The following DPP10 variants were observed in gnomAD, a reference collection of about 807,000 sequenced individuals.
DPP10 encodes the protein inactive dipeptidyl peptidase 10.
In DPP10, 33 loss-of-function variants were observed where a neutral mutation model predicts 120.9. That is an observed-to-expected ratio of 0.27 (90% confidence interval 0.21 to 0.37). The LOEUF (loss-of-function observed/expected upper bound fraction) is 0.37, where lower values mean the gene tolerates loss of function less well. DPP10 is among the 10% of genes least tolerant of loss of function. The pLI is 1.00. For missense variants in DPP10, 816 were observed against 942.8 expected (o/e 0.87, Z 1.76); for synonymous variants, 337 against 326.1 (o/e 1.03, Z -0.36).
At chr2:115,059,685 GAAAAAA>G (rs34515129) in intron 1 of DPP10, among the ~76,000 whole-genome samples, 7 of 116,316 alleles carry the variant, frequency 6.0e-5, no homozygotes, top group East Asian at 2.5e-4. Flanking sequence ...ACCTCAACAG[GAAAAAA>G]AAAAAAAAAA....
At chr2:114,782,874 C>T (rs1682452477) in intron 1 of DPP10, among the ~76,000 whole-genome samples, 1 of 152,012 alleles carries the variant, frequency 6.6e-6, no homozygotes, top group Admixed American at 6.6e-5. Flanking sequence ...ACCACCAGAC[C>T]TCAGCTTAAA....
intron 1 of DPP10, among the ~76,000 whole-genome samples, chr2:114,802,778 T>A (rs950265199): frequency 6.6e-6 from 1 of 152,224 alleles, no homozygotes. Flanking sequence ...GATAAGTACC[T>A]GATTCATAAG....
intron 1 of DPP10, among the ~76,000 whole-genome samples, chr2:115,259,712 C>T (rs887706033): frequency 2.6e-5 from 4 of 152,006 alleles, no homozygotes; most frequent in African/African-American, 9.7e-5. Context: ...CATATTGCTG[C>T]CCTAAGTACT....
At chr2:114,926,462 C>T (rs1695626828) in intron 1 of DPP10, among the ~76,000 whole-genome samples, 1 of 152,202 alleles carries the variant, frequency 6.6e-6, no homozygotes. Context: ...TTGTCAGAAG[C>T]TGGATCAGAT....
In DPP10 at chr2:115,498,048, G is replaced by A. The variant is rs534640109; in HGVS notation, c.272-1462G>A. 9.9e-5 allele frequency among the ~76,000 whole-genome samples: 15 copies of A among 151,956 alleles called. No individual in the cohort carries two copies. In the East Asian group the frequency reaches 1.4e-3, roughly 14 times the overall value. ...ATCATATAGAACTATCAGTCCATAC[G>A]GCCAGCCTCAGGGAGTAACTGGGAA... On this transcript the variant is annotated intron_variant, in intron 3 of 25. Transcript: ENST00000410059.
intron 5 of DPP10, among the ~76,000 whole-genome samples, chr2:115,590,855 C>T (rs1306229049): frequency 6.6e-6 from 1 of 152,174 alleles, no homozygotes; most frequent in Non-Finnish European, 1.5e-5. Context: ...TTAATGATCG[C>T]CATTCTAACT....
At chr2:114,999,067 G>C (rs1269475571) in intron 1 of DPP10, among the ~76,000 whole-genome samples, 1 of 152,176 alleles carries the variant, frequency 6.6e-6, no homozygotes, top group East Asian at 1.9e-4. Context: ...TTTTTATAAG[G>C]TGTGGTGCAG....
At chr2:115,267,125 G>A (rs1334481223) in intron 1 of DPP10, among the ~76,000 whole-genome samples, 1 of 152,122 alleles carries the variant, frequency 6.6e-6, no homozygotes, top group Admixed American at 6.5e-5. Context: ...ATGATTATAT[G>A]CTAGAAGGAA....
chr2:114,605,706 T>A (rs1411564441), intron 1 of DPP10, among the ~76,000 whole-genome samples: 1 of 152,034 alleles, frequency 6.6e-6, no homozygotes, highest in Non-Finnish European at 1.5e-5. Flanking sequence ...ACCTGACAAG[T>A]CCTGTCTAGT....
chr2:115,194,291 C>A (rs2055095037), intron 1 of DPP10, among the ~76,000 whole-genome samples: 1 of 151,846 alleles, frequency 6.6e-6, no homozygotes, highest in Admixed American at 6.6e-5. Flanking sequence ...ATGGCGTGAT[C>A]TCGGCTCACC....
At chr2:114,984,298 T>C (rs910666641) in intron 1 of DPP10, among the ~76,000 whole-genome samples, 2 of 152,200 alleles carry the variant, frequency 1.3e-5, no homozygotes, top group Non-Finnish European at 2.9e-5. Flanking sequence ...CACTGGAATA[T>C]GAACCCTGGT....
intron 2 of DPP10, among the ~76,000 whole-genome samples, chr2:115,310,311 T>C (rs986340415): frequency 1.1e-4 from 16 of 152,200 alleles, no homozygotes; most frequent in African/African-American, 3.9e-4. Context: ...ATTGAACTTA[T>C]TTCCTGATGT....
chr2:114,834,920 T>C (rs1687564750), intron 1 of DPP10, among the ~76,000 whole-genome samples: 1 of 149,156 alleles, frequency 6.7e-6, no homozygotes, highest in African/African-American at 2.6e-5. Context: ...CACCTATGTA[T>C]ATATAAGCCA....
intron 1 of DPP10, among the ~76,000 whole-genome samples, chr2:114,519,022 G>A (rs1427761799): frequency 6.6e-6 from 1 of 152,218 alleles, no homozygotes; most frequent in South Asian, 2.1e-4. Flanking sequence ...AGGTTTGCCT[G>A]TGAAAGAGAT....
intron 3 of DPP10, among the ~76,000 whole-genome samples, chr2:115,389,472 G>A (rs533571684): frequency 1.3e-5 from 2 of 152,214 alleles, no homozygotes; most frequent in Admixed American, 6.5e-5. Context: ...TTGCTATTTT[G>A]TTAGATTTTC....
intron 1 of DPP10, among the ~76,000 whole-genome samples, chr2:114,861,007 G>A (rs567441479): frequency 7.9e-5 from 12 of 152,228 alleles, no homozygotes; most frequent in South Asian, 6.2e-4. Flanking sequence ...GGAGCTAGCC[G>A]TTAAACCCAG....
intron 1 of DPP10, among the ~76,000 whole-genome samples, chr2:115,013,658 C>CAAAA (rs59313783): frequency 2.6e-4 from 15 of 58,426 alleles, no homozygotes; most frequent in African/African-American, 7.2e-4. Flanking sequence ...AAATGGAAAG[C>CAAAA]AAAAAAAAAA....
At chr2:114,883,081 G>A (rs894006242) in intron 1 of DPP10, among the ~76,000 whole-genome samples, 3 of 152,200 alleles carry the variant, frequency 2.0e-5, no homozygotes, top group Admixed American at 1.3e-4. Flanking sequence ...GCCAAATACA[G>A]AATCACACAA....
chr2:115,777,204 G>T lies in DPP10; in HGVS notation c.1222-4G>T, dbSNP rs1682206593. On this transcript the variant is annotated splice_region_variant and splice_polypyrimidine_tract_variant and intron_variant, in intron 13 of 25. Coordinates refer to ENST00000410059, the MANE Select transcript of DPP10 (RefSeq NM_020868.6). The stretch of plus-strand genomic sequence containing the variant: ...GAAAATCAATATTTTCTATTTCTTT[G>T]CAGAGTAAAAGTGAGCAAATTACCG... 1 of 1,611,584 alleles carries T rather than the reference G, an allele frequency of 6.2e-7. No individual in the cohort carries two copies. The highest frequency in any genetic ancestry group is 1.3e-5 in the African/African-American group (1 of 74,790).
Sources: gnomAD v4.1 joint callset for allele counts (sites outside exome capture counted in the v4.1 genomes callset) on GRCh38, gnomAD v4.1.1 for gene constraint, MANE v1.5 for transcripts, NCBI Gene and HGNC (gene_info 2026-07-23, HGNC 2026-07-21) for gene names.